The following EYA2 variants were observed in gnomAD, a reference collection of about 807,000 sequenced individuals.
EYA2 encodes EYA transcriptional coactivator and phosphatase 2.
Under a neutral mutation model 69.2 loss-of-function variants are expected in EYA2, and 31 were observed. That is an observed-to-expected ratio of 0.45 (90% confidence interval 0.34 to 0.60). The LOEUF is 0.60. Among genes scored for constraint, EYA2 ranks in the 20% least tolerant of loss-of-function variants. The pLI is 0.02. For synonymous variants in EYA2, 257 were observed against 279.4 expected, an observed-to-expected ratio of 0.92 and a Z score of 0.80; for missense variants, 622 against 701.2, an observed-to-expected ratio of 0.89 and a Z score of 1.28.
chr20:46,921,756 T>A (rs1026539309), intron 1 of EYA2, among the ~76,000 whole-genome samples: 1 of 152,196 alleles, frequency 6.6e-6, no homozygotes, highest in African/African-American at 2.4e-5. Context: ...GGGCAAAAGA[T>A]TCCCAATGAC....
chr20:47,002,812 C>A (rs1046318484), intron 3 of EYA2, among the ~76,000 whole-genome samples: 1 of 152,202 alleles, frequency 6.6e-6, no homozygotes. Context: ...GGATGAGACA[C>A]CTTCCAGGAC....
At chr20:46,908,317 G>A (rs1600533376) in intron 1 of EYA2, among the ~76,000 whole-genome samples, 3 of 152,190 alleles carry the variant, frequency 2.0e-5, no homozygotes, top group East Asian at 1.9e-4. Context: ...AGAAGCTGAC[G>A]AGAACATGCC....
intron 1 of EYA2, among the ~76,000 whole-genome samples, chr20:46,952,784 G>C (rs1978883828): frequency 6.6e-6 from 1 of 152,132 alleles, no homozygotes; most frequent in Non-Finnish European, 1.5e-5. Context: ...GCTGAAATAA[G>C]AACCTCATAC....
chr20:47,022,050 C>G lies in EYA2; in HGVS notation c.415+5753C>G, dbSNP rs369131229. On this transcript the variant is annotated intron_variant, in intron 5 of 15. Coordinates refer to ENST00000327619, the MANE Select transcript of EYA2 (RefSeq NM_005244.5). ...AAATACGTTTAGTCAATAGTGCATG[C>G]CACAAAGTTAAAATAGACATCTTTG... is the stretch of plus-strand genomic sequence containing the variant. Among the ~76,000 whole-genome samples, 8 of 152,288 alleles carry G rather than the reference C, an allele frequency of 5.3e-5. No individual in the cohort carries two copies. In the East Asian group the frequency reaches 1.5e-3, roughly 29 times the overall value.
At chr20:47,167,193 T>G (rs1476739572) in intron 10 of EYA2, 1 of 154,188 alleles carries the variant, frequency 6.5e-6, no homozygotes, top group Non-Finnish European at 1.5e-5. Context: ...TGTAACAAAT[T>G]TCCCCCAGTT....
In EYA2 at chr20:46,993,224, CAG is replaced by C. The variant is rs373267580; in HGVS notation, c.109+3106_109+3107del. Among the ~76,000 whole-genome samples the C allele has an allele frequency of 5.7e-4, 87 of 152,316 alleles. 1 individual carries two copies. In the East Asian group the frequency reaches 0.016, roughly 27 times the overall value. ...AATGTGAGGATGAAATGAGTTGAAA[CAG>C]GGAGTGGACTTAGTGTGCTTAAAAA... On this transcript the variant is annotated intron_variant, in intron 2 of 15. Transcript: ENST00000327619.
chr20:47,132,186 C>T (rs1404613248), intron 9 of EYA2, among the ~76,000 whole-genome samples: 1 of 152,112 alleles, frequency 6.6e-6, no homozygotes, highest in African/African-American at 2.4e-5. Flanking sequence ...TGGGCTCAAG[C>T]GATCCTCCTG....
intron 10 of EYA2, among the ~76,000 whole-genome samples, chr20:47,156,331 C>G (rs967962634): frequency 6.7e-6 from 1 of 149,722 alleles, no homozygotes; most frequent in African/African-American, 2.4e-5. Flanking sequence ...AAGACTCCAT[C>G]TCAAAAAATA....
chr20:47,101,157 C>A (rs2032412813), intron 9 of EYA2, among the ~76,000 whole-genome samples: 1 of 152,170 alleles, frequency 6.6e-6, no homozygotes, highest in Non-Finnish European at 1.5e-5. Context: ...ACAATCATAG[C>A]TCACTGTAAC....
chr20:47,017,546 GA>G (rs375518524), intron 5 of EYA2, among the ~76,000 whole-genome samples: 3 of 151,368 alleles, frequency 2.0e-5, no homozygotes, highest in Admixed American at 6.6e-5. Context: ...AGCATTTCAG[GA>G]AAAAAAAATT....
In EYA2 at chr20:47,188,295, C is replaced by A; in HGVS notation, c.*162C>A. The A allele has an allele frequency of 1.5e-6, 1 of 648,262 alleles. No homozygotes were observed. Among genetic ancestry groups the A allele is most frequent in the Non-Finnish European group, 2.7e-6 (1 of 369,062 alleles). The allele number at this position is 648,262 out of a possible 1,614,324, so 40.2% of individuals were successfully genotyped here. A position where few individuals can be genotyped will look rare whatever the true frequency, so the allele number is the denominator to read the frequency against. On this transcript the variant is annotated 3_prime_UTR_variant, in exon 16 of 16. Coordinates refer to ENST00000327619, the MANE Select transcript of EYA2 (RefSeq NM_005244.5). ...CCATCTCAGAAGCCGTCCATCAGTC[C>A]AAATGGGGGTTCTGAGAAGGAAAGT... is the stretch of plus-strand genomic sequence containing the variant.
At chr20:47,086,728 CAG>C (rs1220061360) in intron 7 of EYA2, among the ~76,000 whole-genome samples, 1 of 152,064 alleles carries the variant, frequency 6.6e-6, no homozygotes, top group Non-Finnish European at 1.5e-5. Flanking sequence ...GGCGGGGACA[CAG>C]ATCCAAACCA....
chr20:47,007,568 C>T (rs1982793627), intron 4 of EYA2, among the ~76,000 whole-genome samples: 1 of 152,074 alleles, frequency 6.6e-6, no homozygotes, highest in Non-Finnish European at 1.5e-5. Context: ...GGTTTATAAG[C>T]AGTGGGTAAT....
intron 5 of EYA2, among the ~76,000 whole-genome samples, chr20:47,047,979 T>G (rs1343559408): frequency 6.6e-6 from 1 of 151,890 alleles, no homozygotes; most frequent in Non-Finnish European, 1.5e-5. Flanking sequence ...CGCCCCTGCC[T>G]CCCTCTTAGT....
intron 9 of EYA2, among the ~76,000 whole-genome samples, chr20:47,127,816 G>A (rs147594675): frequency 1.1e-4 from 16 of 152,352 alleles, no homozygotes; most frequent in African/African-American, 2.6e-4. Context: ...AGCAAGGGCC[G>A]TAGGCTTCGT....
chr20:46,998,398 C>G (rs1369148822), intron 2 of EYA2: 1 of 152,364 alleles, frequency 6.6e-6, no homozygotes, highest in African/African-American at 2.4e-5. Context: ...ACCAGTTGGT[C>G]AAGCCTACTT....
chr20:47,175,935 A>G (rs2034418213), intron 12 of EYA2, among the ~76,000 whole-genome samples: 1 of 152,150 alleles, frequency 6.6e-6, no homozygotes, highest in African/African-American at 2.4e-5. Context: ...TCATTCATTC[A>G]TTCTTCCACG....
intron 6 of EYA2, among the ~76,000 whole-genome samples, chr20:47,072,853 G>A (rs714242): frequency 0.1 from 15,778 of 152,076 alleles, 1,630 homozygotes; most frequent in African/African-American, 0.27. Context: ...CCTGCTTTCA[G>A]GCTACCATTT....
chr20:46,898,697 G>GT (rs1232915785), intron 1 of EYA2, among the ~76,000 whole-genome samples: 1 of 152,140 alleles, frequency 6.6e-6, no homozygotes, highest in African/African-American at 2.4e-5. Flanking sequence ...CACCCCCTCC[G>GT]TCAGGTGGTA....
Sources: gnomAD v4.1 joint callset for allele counts (sites outside exome capture counted in the v4.1 genomes callset) on GRCh38, gnomAD v4.1.1 for gene constraint, MANE v1.5 for transcripts, NCBI Gene and HGNC (gene_info 2026-07-23, HGNC 2026-07-21) for gene names.